The following ENTREP2 variants were observed in gnomAD, a reference collection of about 807,000 sequenced individuals.
ENTREP2 encodes the protein protein ENTREP2.
At chr15:29,356,294 ATATTTTTTTTTTT>A in the ENTREP2 span, among the ~76,000 whole-genome samples, 99 of 48,606 alleles carry the variant, frequency 2.0e-3, no homozygotes, top group African/African-American at 8.2e-3. Context: ...ATATATATAT[ATATTTTTTTTTTT>A]TTTTTTTTTT....
the ENTREP2 span, among the ~76,000 whole-genome samples, chr15:29,608,838 A>G: frequency 6.6e-6 from 1 of 151,204 alleles, no homozygotes; most frequent in Non-Finnish European, 1.5e-5. Context: ...AAGTGCTGGG[A>G]TTACAGGCTT....
At chr15:29,223,819 T>C in the ENTREP2 span, among the ~76,000 whole-genome samples, 2 of 152,138 alleles carry the variant, frequency 1.3e-5, no homozygotes, top group Non-Finnish European at 2.9e-5. Context: ...CCTTCTACAC[T>C]GCAGGTATCC....
At chr15:29,467,007 G>A in the ENTREP2 span, among the ~76,000 whole-genome samples, 164 of 143,364 alleles carry the variant, frequency 1.1e-3, no homozygotes, top group Middle Eastern at 4.1e-3. Flanking sequence ...GGATGCTGAT[G>A]GCCCCAGGGG....
the ENTREP2 span, among the ~76,000 whole-genome samples, chr15:29,573,658 CCTCTCTCT>C: frequency 2.7e-5 from 4 of 146,702 alleles, no homozygotes; most frequent in African/African-American, 1.0e-4. Context: ...TCTCTCTCTC[CCTCTCTCT>C]CTCTCTCTTT....
the ENTREP2 span, among the ~76,000 whole-genome samples, chr15:29,361,637 G>C: frequency 2.0e-5 from 3 of 152,158 alleles, no homozygotes; most frequent in Admixed American, 6.5e-5. Flanking sequence ...CCTGTGCAAT[G>C]CATTTCATTA....
chr15:29,325,286 A>G, the ENTREP2 span, among the ~76,000 whole-genome samples: 2 of 152,110 alleles, frequency 1.3e-5, no homozygotes, highest in Non-Finnish European at 2.9e-5. Context: ...GAGAGAGAAG[A>G]GCAATCCAAG....
the ENTREP2 span, among the ~76,000 whole-genome samples, chr15:29,489,060 G>A: frequency 4.7e-4 from 72 of 152,196 alleles, no homozygotes; most frequent in African/African-American, 1.6e-3. Context: ...TTACACAACG[G>A]TGTGAATGTA....
the ENTREP2 span, chr15:29,613,385 GA>G: frequency 2.4e-6 from 1 of 420,892 alleles, no homozygotes; most frequent in Non-Finnish European, 4.8e-6. Context: ...GATATGTGCA[GA>G]AGGAAGCTGA....
the ENTREP2 span, chr15:29,269,621 C>T: frequency 1.3e-6 from 2 of 1,568,230 alleles, no homozygotes; most frequent in African/African-American, 1.4e-5. Flanking sequence ...GCCCGCGAAG[C>T]CCCGGGGTTT....
chr15:29,486,498 C>T, the ENTREP2 span, among the ~76,000 whole-genome samples: 1 of 152,174 alleles, frequency 6.6e-6, no homozygotes, highest in East Asian at 1.9e-4. Context: ...GAAGACCAGC[C>T]TGGCCAACAT....
chr15:29,404,756 T>C, the ENTREP2 span, among the ~76,000 whole-genome samples: 3 of 151,954 alleles, frequency 2.0e-5, no homozygotes, highest in African/African-American at 7.3e-5. Flanking sequence ...ACTGGCCTGA[T>C]GGAAACATGA....
At chr15:29,481,232 C>T in the ENTREP2 span, among the ~76,000 whole-genome samples, 17 of 152,158 alleles carry the variant, frequency 1.1e-4, no homozygotes, top group African/African-American at 3.9e-4. Context: ...GGGCACTTCT[C>T]AATTAGAAGT....
At chr15:29,122,960 C>G in the ENTREP2 span, 8 of 173,002 alleles carry the variant, frequency 4.6e-5, no homozygotes, top group Non-Finnish European at 8.5e-5. Flanking sequence ...CTTTGGAAGG[C>G]CCTGATTTTG....
chr15:29,532,223 T>C, the ENTREP2 span, among the ~76,000 whole-genome samples: 1 of 152,174 alleles, frequency 6.6e-6, no homozygotes, highest in East Asian at 1.9e-4. Context: ...AGAGAAAATA[T>C]TTTATTCAGA....
chr15:29,182,602 A>G, the ENTREP2 span, among the ~76,000 whole-genome samples: 1 of 152,126 alleles, frequency 6.6e-6, no homozygotes, highest in South Asian at 2.1e-4. Context: ...CCCCAGATTA[A>G]CCTAAAAATA....
chr15:29,212,596 T>C, the ENTREP2 span, among the ~76,000 whole-genome samples: 1 of 152,336 alleles, frequency 6.6e-6, no homozygotes, highest in East Asian at 1.9e-4. Flanking sequence ...GTTTGTGCTC[T>C]TTCAGTCTTT....
chr15:29,599,454 A>C, the ENTREP2 span, among the ~76,000 whole-genome samples: 3 of 152,178 alleles, frequency 2.0e-5, no homozygotes, highest in African/African-American at 7.2e-5. Context: ...TTTGATTCTC[A>C]CAGTTGATAG....
the ENTREP2 span, among the ~76,000 whole-genome samples, chr15:29,553,191 G>C: frequency 6.6e-6 from 1 of 152,314 alleles, no homozygotes; most frequent in Admixed American, 6.5e-5. Flanking sequence ...AGCTGCTTGG[G>C]AGGCTGAGGC....
chr15:29,636,208 G>A, the ENTREP2 span, among the ~76,000 whole-genome samples: 15 of 152,204 alleles, frequency 9.9e-5, no homozygotes, highest in African/African-American at 2.9e-4. Context: ...GTCGCGTGTG[G>A]CCATTGGGAT....
Sources: allele counts gnomAD v4.1 joint callset (sites outside exome capture counted in the v4.1 genomes callset), GRCh38; gene constraint gnomAD v4.1.1; transcripts MANE v1.5; gene names NCBI Gene and HGNC (gene_info 2026-07-23, HGNC 2026-07-21).